YTHDC2: variants seen among roughly 807,000 people sequenced by gnomAD.
The protein encoded by YTHDC2 is YTH N6-methyladenosine RNA binding protein C2, also known as 3'-5' RNA helicase YTHDC2.
YTHDC2 carries 45 observed loss-of-function variants against 174.9 expected under a neutral mutation model. The ratio of observed to expected loss-of-function variants is 0.26; its 90% CI spans 0.20 to 0.33. The LOEUF is 0.33. Among genes scored for constraint, YTHDC2 ranks in the 10% least tolerant of loss-of-function variants. YTHDC2 has a pLI of 1.00. For synonymous variants in YTHDC2, 657 were observed against 574.5 expected (o/e 1.14, Z -2.05); for missense variants, 1,650 against 1,723.7 (o/e 0.96, Z 0.76).
At chr5:113,514,952 T>C (rs1452979391) in intron 1 of YTHDC2, among the ~76,000 whole-genome samples, 2 of 152,240 alleles carry the variant, frequency 1.3e-5, no homozygotes, top group African/African-American at 4.8e-5. Context: ...TCAGTCATTA[T>C]ACCAACTCAA....
At chr5:113,587,802 T>G (rs1778776769) in intron 26 of YTHDC2, among the ~76,000 whole-genome samples, 1 of 151,518 alleles carries the variant, frequency 6.6e-6, no homozygotes, top group African/African-American at 2.4e-5. Context: ...CAGAAAAATT[T>G]TTTGGTATTT....
Position 113,542,267 on chromosome 5 carries a change from T to C in YTHDC2, c.1360-101T>C. 2.5e-6 allele frequency: 3 copies of C among 1,208,788 alleles called. No homozygotes were observed. The Admixed American group carries it at 7.0e-5, about 28-fold the overall frequency. 74.9% of individuals were successfully genotyped at this position (1,208,788 alleles called of 1,614,324 possible). ...TGTCAAAGCATTTGCTATATTATCA[T>C]AGGATTAGTAGTCCTGATGGCCATT... On this transcript the variant is annotated intron_variant, in intron 9 of 29. Transcript: ENST00000161863.
In YTHDC2 at chr5:113,528,922, A is replaced by G. The variant is rs551554507; in HGVS notation, c.675+2137A>G. 8.0e-4 allele frequency among the ~76,000 whole-genome samples: 121 copies of G among 152,086 alleles called. No homozygotes were observed. The Middle Eastern group carries it at 0.014, about 17-fold the overall frequency. On this transcript the variant is annotated intron_variant, in intron 4 of 29. Transcript: ENST00000161863. The stretch of plus-strand genomic sequence containing the variant: ...TGTTTGTTTGTTTGTTTTTGGTGGT[A>G]GTGGTGGTGGGGGGTTTGTATGTTT...
chr5:113,589,321 TCTG>T (rs1160700063), intron 26 of YTHDC2, among the ~76,000 whole-genome samples: 3 of 150,604 alleles, frequency 2.0e-5, no homozygotes, highest in African/African-American at 7.3e-5. Flanking sequence ...TAGTGTCTAA[TCTG>T]CTGTTCTTTC....
intron 28 of YTHDC2, 78 bp from the exon 29 acceptor site, chr5:113,593,225 T>G: frequency 1.1e-6 from 1 of 949,570 alleles, no homozygotes; most frequent in South Asian, 1.5e-5. Context: ...TCTTACATTT[T>G]TATCAGTGTA....
chr5:113,535,591 G>T, intron 6 of YTHDC2, 51 bp from the exon 7 acceptor site: 1 of 1,474,420 alleles, frequency 6.8e-7, no homozygotes, highest in South Asian at 1.4e-5. Context: ...TAAAGACTTA[G>T]TCATCAATAA....
intron 26 of YTHDC2, among the ~76,000 whole-genome samples, chr5:113,588,777 C>G (rs1204329134): frequency 6.6e-6 from 1 of 151,814 alleles, no homozygotes; most frequent in Admixed American, 6.6e-5. Context: ...CATGTGCCAC[C>G]ATGCCTGGCT....
chr5:113,572,967 CT>C (rs1777827922), intron 23 of YTHDC2, among the ~76,000 whole-genome samples: 3 of 152,020 alleles, frequency 2.0e-5, no homozygotes, highest in African/African-American at 7.2e-5. Context: ...TTCAATATTA[CT>C]TTTATGGTTA....
At chr5:113,581,956 GA>G in intron 25 of YTHDC2, 1 of 279,742 alleles carries the variant, frequency 3.6e-6, no homozygotes, top group Non-Finnish European at 6.5e-6. Flanking sequence ...TCTTTGTCAG[GA>G]AAAGGTCAAA....
Position 113,594,285 on chromosome 5 carries a change from C to T in YTHDC2, c.*811C>T, listed in dbSNP as rs1163410939. On this transcript the variant is annotated 3_prime_UTR_variant, in exon 30 of 30. Transcript: ENST00000161863. ...TCCCTCGTCACATCTCTTATATGAG[C>T]ACAGTAATTATGACCTTTTTGTTTT... is the stretch of plus-strand genomic sequence containing the variant. The T allele has an allele frequency of 6.6e-6, 1 of 152,004 alleles. No homozygotes were observed. Among genetic ancestry groups the T allele is most frequent in the Non-Finnish European group, 1.5e-5 (1 of 68,018 alleles). The allele number at this position is 152,004 out of a possible 1,614,324, so 9.4% of individuals were successfully genotyped here.
chr5:113,552,625 G>T (rs1776323863), intron 12 of YTHDC2, among the ~76,000 whole-genome samples: 1 of 152,010 alleles, frequency 6.6e-6, no homozygotes, highest in South Asian at 2.1e-4. Flanking sequence ...GAATATTTGT[G>T]TACAGATTTT....
chr5:113,514,228 G>C (rs889059727), intron 1 of YTHDC2, 146 bp downstream of exon 1: 17 of 1,037,668 alleles, frequency 1.6e-5, no homozygotes, highest in Non-Finnish European at 2.3e-5. Flanking sequence ...CCTCAGCGGC[G>C]GCACCCGGGT....
At chr5:113,588,712 T>C (rs922872887) in intron 26 of YTHDC2, among the ~76,000 whole-genome samples, 1 of 151,988 alleles carries the variant, frequency 6.6e-6, no homozygotes, top group African/African-American at 2.4e-5. Context: ...AAGCTCAGCC[T>C]CCTGGGTTCA....
chr5:113,584,731 T>A (rs1484848126), intron 26 of YTHDC2, among the ~76,000 whole-genome samples: 1 of 151,618 alleles, frequency 6.6e-6, no homozygotes, highest in Non-Finnish European at 1.5e-5. Flanking sequence ...TACTGGCATG[T>A]AGGTAGGCTG....
chr5:113,559,453 G>A (rs781581344), intron 17 of YTHDC2, among the ~76,000 whole-genome samples: 4 of 152,130 alleles, frequency 2.6e-5, no homozygotes, highest in Non-Finnish European at 4.4e-5. Context: ...GAAATCAACA[G>A]TTTACAAATG....
intron 26 of YTHDC2, among the ~76,000 whole-genome samples, chr5:113,584,890 T>G (rs1380964854): frequency 6.7e-6 from 1 of 148,198 alleles, no homozygotes; most frequent in Non-Finnish European, 1.5e-5. Context: ...ATCTTCACAC[T>G]TCAGCTTTTG....
intron 10 of YTHDC2, among the ~76,000 whole-genome samples, chr5:113,542,984 G>A (rs1223273696): frequency 6.6e-6 from 1 of 151,872 alleles, no homozygotes; most frequent in East Asian, 1.9e-4. Context: ...TAACTTCTTG[G>A]TTTTCTTGGC....
At chr5:113,517,634 C>G (rs1580464637) in intron 2 of YTHDC2, 1 of 456,208 alleles carries the variant, frequency 2.2e-6, no homozygotes, top group Non-Finnish European at 4.4e-6. Context: ...TATCCAGTCC[C>G]TAATACCTAT....
At chr5:113,528,760 T>C (rs1774459596) in intron 4 of YTHDC2, among the ~76,000 whole-genome samples, 1 of 152,122 alleles carries the variant, frequency 6.6e-6, no homozygotes, top group African/African-American at 2.4e-5. Flanking sequence ...CCACCTGCCT[T>C]GGCCTCCCAA....
Sources: gnomAD v4.1 joint callset for allele counts (sites outside exome capture counted in the v4.1 genomes callset) on GRCh38, gnomAD v4.1.1 for gene constraint, MANE v1.5 for transcripts, NCBI Gene and HGNC (gene_info 2026-07-23, HGNC 2026-07-21) for gene names.